GLRB: variants seen among roughly 807,000 people sequenced by gnomAD.
The protein encoded by GLRB is glycine receptor beta.
In GLRB, 33 loss-of-function variants were observed where a neutral mutation model predicts 54.2. The observed-to-expected ratio is 0.61, with a 90% confidence interval of 0.46 to 0.81. The LOEUF is 0.81. Among genes scored for constraint, GLRB ranks in the 40% least tolerant of loss-of-function variants. GLRB has a pLI of 0.00. For missense variants in GLRB, 572 were observed against 584.6 expected, an observed-to-expected ratio of 0.98 and a Z score of 0.22; for synonymous variants, 209 against 208.2, an observed-to-expected ratio of 1.00 and a Z score of -0.03.
chr4:157,119,569 G>T (rs1735727434), intron 2 of GLRB, among the ~76,000 whole-genome samples: 1 of 151,504 alleles, frequency 6.6e-6, no homozygotes, highest in African/African-American at 2.4e-5. Context: ...TTAGAGCAAT[G>T]TTTCATACAT....
At chr4:157,157,294 A>G (rs540280507) in intron 9 of GLRB, among the ~76,000 whole-genome samples, 32 of 152,254 alleles carry the variant, frequency 2.1e-4, no homozygotes, top group Non-Finnish European at 4.4e-4. Context: ...GAAGTCCTCA[A>G]TCACCACTTG....
intron 2 of GLRB, among the ~76,000 whole-genome samples, chr4:157,082,370 T>C (rs1278959199): frequency 1.3e-5 from 2 of 152,198 alleles, no homozygotes; most frequent in Non-Finnish European, 2.9e-5. Context: ...CTTTCCCCAC[T>C]AGATTGTAAG....
At position 157,086,310 on chromosome 4, in the gene GLRB, T is replaced by G. The variant is rs543933537; in HGVS notation, c.122+8164T>G. ...CTTTATAAAACATTTAAAATAAGTT[T>G]TAGTTGAGAATATGATTAATCTGAA... On this transcript the variant is annotated intron_variant, in intron 2 of 9. Coordinates refer to ENST00000264428, the MANE Select transcript of GLRB (RefSeq NM_000824.5). Among the ~76,000 whole-genome samples, 3 of 152,318 alleles carry G rather than the reference T, an allele frequency of 2.0e-5. No homozygotes were observed. In the South Asian group the frequency reaches 6.2e-4, roughly 32 times the overall value.
intron 9 of GLRB, among the ~76,000 whole-genome samples, chr4:157,170,153 G>A (rs1002431286): frequency 3.3e-5 from 5 of 151,998 alleles, no homozygotes; most frequent in African/African-American, 9.7e-5. Flanking sequence ...CACAAGCCTG[G>A]TAGCACCTAA....
intron 2 of GLRB, among the ~76,000 whole-genome samples, chr4:157,079,421 T>C (rs149001947): frequency 1.4e-4 from 21 of 152,280 alleles, no homozygotes; most frequent in African/African-American, 5.1e-4. Flanking sequence ...TAATAGGTGT[T>C]TGTATGAATT....
intron 2 of GLRB, among the ~76,000 whole-genome samples, chr4:157,078,867 G>A (rs1175337775): frequency 1.4e-5 from 2 of 146,808 alleles, no homozygotes; most frequent in African/African-American, 5.5e-5. Flanking sequence ...CTACCTCCCG[G>A]GTTCAAGCAA....
intron 6 of GLRB, among the ~76,000 whole-genome samples, chr4:157,138,187 T>C (rs907549900): frequency 2.0e-5 from 3 of 152,180 alleles, no homozygotes; most frequent in African/African-American, 7.2e-5. Context: ...TTCTCCTGCC[T>C]CAGCCTCCTG....
chr4:157,156,870 T>G (rs2126611049), intron 9 of GLRB, among the ~76,000 whole-genome samples: 1 of 152,304 alleles, frequency 6.6e-6, no homozygotes, highest in South Asian at 2.1e-4. Context: ...AACTTGGACA[T>G]TTTGATATTA....
chr4:157,078,520 A>G (rs188395820), intron 2 of GLRB, among the ~76,000 whole-genome samples: 59 of 152,074 alleles, frequency 3.9e-4, no homozygotes, highest in African/African-American at 1.4e-3. Context: ...TTTTAAAAAA[A>G]CCCTAAAATA....
chr4:157,136,156 T>G (rs1327095511), intron 4 of GLRB, among the ~76,000 whole-genome samples: 1 of 152,144 alleles, frequency 6.6e-6, no homozygotes, highest in East Asian at 1.9e-4. Context: ...GCTTTTATGG[T>G]ACTACCATCT....
intron 2 of GLRB, among the ~76,000 whole-genome samples, chr4:157,087,892 T>A (rs1481813418): frequency 6.6e-6 from 1 of 152,118 alleles, no homozygotes; most frequent in Non-Finnish European, 1.5e-5. Flanking sequence ...GAAATAGACA[T>A]ATCATTGCTC....
chr4:157,130,066 C>A (rs1240510544), intron 4 of GLRB, among the ~76,000 whole-genome samples: 1 of 151,602 alleles, frequency 6.6e-6, no homozygotes, highest in Non-Finnish European at 1.5e-5. Flanking sequence ...AGGTGCAGTT[C>A]ATGTACTTTG....
At chr4:157,105,971 T>C (rs1298941197) in intron 2 of GLRB, among the ~76,000 whole-genome samples, 2 of 152,148 alleles carry the variant, frequency 1.3e-5, no homozygotes, top group Non-Finnish European at 2.9e-5. Context: ...ATTATAGTAA[T>C]ATGATATTCT....
chr4:157,120,761 T>A lies in GLRB; in HGVS notation c.229+99T>A. The stretch of plus-strand genomic sequence containing the variant: ...TTTTATATGTATATGCTTTGTGATA[T>A]TCAAAACAGTAAGATTTCAAAGTGA... On this transcript the variant is annotated intron_variant, in intron 3 of 9. Transcript: ENST00000264428. 6.5e-6 allele frequency: 4 copies of A among 615,244 alleles called. No individual in the cohort carries two copies. The South Asian group carries it at 7.1e-5, about 11-fold the overall frequency. 38.1% of individuals were successfully genotyped at this position (615,244 alleles called of 1,614,324 possible).
At chr4:157,115,127 A>G (rs1419156635) in intron 2 of GLRB, among the ~76,000 whole-genome samples, 1 of 151,668 alleles carries the variant, frequency 6.6e-6, no homozygotes, top group African/African-American at 2.4e-5. Context: ...GGACTCTGGA[A>G]TTTTTATTTT....
At chr4:157,168,930 T>C (rs1166221016) in intron 9 of GLRB, among the ~76,000 whole-genome samples, 1 of 152,116 alleles carries the variant, frequency 6.6e-6, no homozygotes. Flanking sequence ...TGTCAGTCAC[T>C]TTATCTTGGG....
chr4:157,146,546 C>T (rs1249082238), intron 8 of GLRB, among the ~76,000 whole-genome samples: 1 of 152,000 alleles, frequency 6.6e-6, no homozygotes, highest in African/African-American at 2.4e-5. Flanking sequence ...GGGCTGAGAG[C>T]AGTGGCTCAC....
chr4:157,134,919 A>G (rs918366493), intron 4 of GLRB, among the ~76,000 whole-genome samples: 3 of 152,118 alleles, frequency 2.0e-5, no homozygotes, highest in Admixed American at 6.6e-5. Flanking sequence ...GAAAAACACA[A>G]TTAAGTCTTA....
At chr4:157,111,784 A>G (rs1253373497) in intron 2 of GLRB, among the ~76,000 whole-genome samples, 2 of 151,852 alleles carry the variant, frequency 1.3e-5, no homozygotes, top group Non-Finnish European at 2.9e-5. Context: ...TTCTTCACCT[A>G]CTACTTACTA....
Sources: allele counts gnomAD v4.1 joint callset (sites outside exome capture counted in the v4.1 genomes callset), GRCh38; gene constraint gnomAD v4.1.1; transcripts MANE v1.5; gene names NCBI Gene and HGNC (gene_info 2026-07-23, HGNC 2026-07-21).